Variants in TRNT1 observed in about 807,000 individuals in gnomAD.
The protein encoded by TRNT1 is CCA tRNA nucleotidyltransferase 1, mitochondrial.
TRNT1 carries 44 observed loss-of-function variants against 45.6 expected under a neutral mutation model. That is an observed-to-expected ratio of 0.97 (90% CI 0.76 to 1.24). The LOEUF (loss-of-function observed/expected upper bound fraction) is 1.24. Ranked by LOEUF, TRNT1 falls within the 50% of genes most tolerant of loss-of-function variation. The probability of loss-of-function intolerance (pLI) is 0.00; values close to 1 mark genes in which losing one functional copy is unlikely to be tolerated. For synonymous variants in TRNT1, 201 were observed against 171.4 expected (o/e 1.17, Z -1.35); for missense variants, 633 against 504.4 (o/e 1.25, Z -2.44).
At chr3:3,134,403 T>C (rs1197921312) in intron 2 of TRNT1, among the ~76,000 whole-genome samples, 1 of 152,308 alleles carries the variant, frequency 6.6e-6, no homozygotes, top group East Asian at 1.9e-4. Context: ...AATGGCAAGG[T>C]TTTTGGAATG....
downstream of TRNT1, chr3:3,149,758 C>A (rs1421473594): frequency 6.6e-6 from 1 of 152,106 alleles, no homozygotes; most frequent in Non-Finnish European, 1.5e-5. Flanking sequence ...TGCAGTGTGA[C>A]ACTCAACTGA....
downstream of TRNT1, chr3:3,150,938 C>G (rs760799393): frequency 1.9e-6 from 3 of 1,613,958 alleles, no homozygotes; most frequent in Non-Finnish European, 2.5e-6. Context: ...CAGAGCAGAT[C>G]GCGTTAAGCC....
intron 4 of TRNT1, 53 bp from the exon 5 acceptor site, chr3:3,144,531 T>C: frequency 6.6e-7 from 1 of 1,524,698 alleles, no homozygotes; most frequent in Admixed American, 2.0e-5. Flanking sequence ...TCTTGTGTTT[T>C]CAAATTCTTA....
At position 3,146,511 on chromosome 3, in the gene TRNT1, G is replaced by T. The variant is rs1009894527; in HGVS notation, c.690G>T (p.Leu230Phe). 1 of 1,614,008 alleles carries T rather than the reference G, an allele frequency of 6.2e-7. No individual in the cohort carries two copies. The highest frequency in any genetic ancestry group is 8.5e-7 in the Non-Finnish European group (1 of 1,179,980). The change falls in exon 6 of 8, where the codon TTG becomes TTT. Residue 230 changes from leucine (L) to phenylalanine (F), a missense_variant. Physicochemically the swap from Leu to Phe is conservative, Grantham distance 22. Transcript: ENST00000251607. ...CAATTGCAGAAAATGCAAAAGGCTT[G>T]GCTGGAATATCAGGAGAAAGGATTT... ...LEAIAENAKG[L>F]AGISGERIWV...
downstream of TRNT1, chr3:3,149,420 A>G (rs1706316125): frequency 6.6e-6 from 1 of 151,524 alleles, no homozygotes; most frequent in South Asian, 2.1e-4. Context: ...GTAGTATAGT[A>G]TATGTGTGTT....
At chr3:3,150,327 CAG>C (rs1489876649), downstream of TRNT1, 1 of 152,366 alleles carries the variant, frequency 6.6e-6, no homozygotes, top group Non-Finnish European at 1.5e-5. Context: ...ATCAGTATCT[CAG>C]AGAAGTTAAA....
chr3:3,129,555 C>A, intron 2 of TRNT1: 1 of 428,384 alleles, frequency 2.3e-6, no homozygotes. Flanking sequence ...CCACTCTAGC[C>A]TGGGCAACAG....
At chr3:3,144,529 T>G (rs1158514338) in intron 4 of TRNT1, 55 bp from the exon 5 acceptor site, 8 of 1,515,130 alleles carry the variant, frequency 5.3e-6, no homozygotes. Flanking sequence ...TTTCTTGTGT[T>G]TTCAAATTCT....
intron 6 of TRNT1, 126 bp downstream of exon 6, chr3:3,146,749 A>G (rs1706054005): frequency 1.1e-6 from 1 of 949,586 alleles, no homozygotes; most frequent in East Asian, 2.7e-5. Flanking sequence ...TTTTAAAATA[A>G]GACAAAGTTT....
intron 2 of TRNT1, chr3:3,130,658 G>C (rs1476111297): frequency 6.6e-6 from 1 of 152,156 alleles, no homozygotes; most frequent in African/African-American, 2.4e-5. Flanking sequence ...GATAGAAATG[G>C]TGAAATAAAT....
downstream of TRNT1, chr3:3,150,043 A>AGATTTTCTTCAATTTACATT (rs1387094909): frequency 6.6e-6 from 1 of 152,170 alleles, no homozygotes; most frequent in Non-Finnish European, 1.5e-5. Flanking sequence ...ACTTACTTAC[A>AGATTTTCTTCAATTTACATT]GATTTTCTTC....
rs372604723 is a variant in TRNT1, at chr3:3,147,622, T to C, written c.975T>C (p.Phe325=). The change falls in exon 7 of 8, where the codon TTT becomes TTC. Residue 325 remains phenylalanine, a synonymous_variant. Transcript: ENST00000251607. ...AAGAGGAGAAAAACCTTGGCTTATT[T>C]ATAGTTAAAAATAGGAAAGATTTAA... ...IAKEEKNLGL[F]IVKNRKDLIK... The C allele has an allele frequency of 8.1e-6, 13 of 1,613,778 alleles. No homozygotes were observed. The African/African-American group carries it at 1.7e-4, about 22-fold the overall frequency.
intron 4 of TRNT1, among the ~76,000 whole-genome samples, chr3:3,140,926 T>C (rs538190674): frequency 6.6e-6 from 1 of 152,028 alleles, no homozygotes; most frequent in Non-Finnish European, 1.5e-5. Flanking sequence ...ACTAAAAATA[T>C]AAAAAATTAG....
At chr3:3,130,108 CACAGTAGCAT>C (rs1704916633) in intron 2 of TRNT1, 1 of 747,370 alleles carries the variant, frequency 1.3e-6, no homozygotes, top group Non-Finnish European at 2.1e-6. Context: ...AAAGCAGCCA[CACAGTAGCAT>C]TACAAAGCCT....
chr3:3,144,668 A>G lies in TRNT1; in HGVS notation c.566A>G (p.Gln189Arg). The G allele has an allele frequency of 6.4e-7, 1 of 1,567,310 alleles. No individual in the cohort carries two copies. The highest frequency in any genetic ancestry group is 1.2e-5 in the South Asian group (1 of 86,784). ...KKVRFVGHAK[Q>R]RIQEDYLRIL... The stretch of plus-strand genomic sequence containing the variant: ...GTTAGATTTGTTGGACATGCTAAAC[A>G]GAGAATACAAGAGGATTATCTTAGA... Residue 189 changes from glutamine (Q) to arginine (R), a missense_variant, in exon 5 of 8, where the codon CAG becomes CGG. Transcript: ENST00000251607.
intron 2 of TRNT1, among the ~76,000 whole-genome samples, chr3:3,134,274 G>C (rs1238569309): frequency 1.3e-5 from 2 of 152,190 alleles, no homozygotes; most frequent in African/African-American, 4.8e-5. Flanking sequence ...AGTCCCTGCT[G>C]TTTTAGGCCA....
At chr3:3,150,851 T>G, downstream of TRNT1, 2 of 1,611,656 alleles carry the variant, frequency 1.2e-6, no homozygotes, top group Non-Finnish European at 1.7e-6. Flanking sequence ...TAACTTTATC[T>G]CTATCACATC....
intron 4 of TRNT1, among the ~76,000 whole-genome samples, chr3:3,142,386 G>A (rs570075191): frequency 3.3e-5 from 5 of 152,252 alleles, no homozygotes; most frequent in Non-Finnish European, 7.4e-5. Context: ...CTATTTAACC[G>A]ATGGTAACTT....
chr3:3,130,060 A>G lies in TRNT1; in HGVS notation c.148+872A>G. The G allele has an allele frequency of 2.6e-6, 3 of 1,173,652 alleles. No individual in the cohort carries two copies. The South Asian group carries it at 4.3e-5, about 17-fold the overall frequency. 72.7% of individuals were successfully genotyped at this position (1,173,652 alleles called of 1,614,324 possible). ...AGCTTCTTGCTGTTGCCACAGTTTCATTAGTGTTGATTCTCAATGTTGTCT... is the reference window on the plus strand; with the variant it reads ...AGCTTCTTGCTGTTGCCACAGTTTCGTTAGTGTTGATTCTCAATGTTGTCT... On this transcript the variant is annotated intron_variant, in intron 2 of 7. Transcript: ENST00000251607.
Sources: allele counts gnomAD v4.1 joint callset (sites outside exome capture counted in the v4.1 genomes callset), GRCh38; gene constraint gnomAD v4.1.1; transcripts MANE v1.5; gene names NCBI Gene and HGNC (gene_info 2026-07-23, HGNC 2026-07-21).